The following WLS variants were observed in gnomAD, a reference collection of about 807,000 sequenced individuals.
WLS encodes the protein Wnt ligand secretion mediator, also known as protein wntless homolog.
A neutral mutation model predicts 62.8 loss-of-function variants in WLS; 23 were observed. The observed-to-expected ratio is 0.37, with a 90% confidence interval of 0.26 to 0.52. The LOEUF (loss-of-function observed/expected upper bound fraction) is 0.52, where lower values mean the gene tolerates loss of function less well. Ranked by LOEUF, WLS falls within the 20% of genes least tolerant of loss-of-function variation. The pLI is 0.92. For missense variants in WLS, 615 were observed against 697.3 expected (o/e 0.88, Z 1.33); for synonymous variants, 246 against 244.1 (o/e 1.01, Z -0.07).
intron 1 of WLS, among the ~76,000 whole-genome samples, chr1:68,207,901 G>A (rs1041649635): frequency 5.9e-5 from 9 of 152,172 alleles, no homozygotes; most frequent in African/African-American, 2.2e-4. Flanking sequence ...CAACACATGA[G>A]AAGAATTAGA....
intron 2 of WLS, among the ~76,000 whole-genome samples, chr1:68,182,286 C>A (rs1200403314): frequency 1.3e-5 from 2 of 152,294 alleles, no homozygotes; most frequent in Non-Finnish European, 2.9e-5. Context: ...TATGGAGGAG[C>A]CTTATAATGA....
rs547772396 is a variant in WLS, at chr1:68,135,001, G to C, written c.1516+2779C>G. Among the ~76,000 whole-genome samples, 4 of 152,338 alleles carry C rather than the reference G, an allele frequency of 2.6e-5. No homozygotes were observed. In the East Asian group the frequency reaches 7.7e-4, roughly 29 times the overall value. ...CACTTGCTGAACAGTGTTAAAGTTGGACACGTTCTCACCAGTGTTTGGAAA... is the reference window on the plus strand; with the variant it reads ...CACTTGCTGAACAGTGTTAAAGTTGCACACGTTCTCACCAGTGTTTGGAAA... On this transcript the variant is annotated intron_variant, in intron 11 of 11. Transcript: ENST00000262348.
chr1:68,211,716 AC>A (rs1649523891), intron 1 of WLS, among the ~76,000 whole-genome samples: 1 of 152,096 alleles, frequency 6.6e-6, no homozygotes, highest in African/African-American at 2.4e-5. Flanking sequence ...CCCATTTCTC[AC>A]CACTCATGAG....
At chr1:68,175,887 G>A (rs1647238013) in intron 2 of WLS, among the ~76,000 whole-genome samples, 1 of 152,214 alleles carries the variant, frequency 6.6e-6, no homozygotes, top group Non-Finnish European at 1.5e-5. Context: ...TGTGCTGCCA[G>A]CAGAAAGAAA....
intron 11 of WLS, among the ~76,000 whole-genome samples, chr1:68,127,615 G>A (rs1242922875): frequency 1.3e-5 from 2 of 152,142 alleles, no homozygotes; most frequent in Non-Finnish European, 2.9e-5. Context: ...TGTGGAGAGG[G>A]GTGCTGGGGA....
In WLS at chr1:68,146,017, T is replaced by G. The variant is rs189604242; in HGVS notation, c.1135-5A>C. 2.9e-5 allele frequency: 47 copies of G among 1,613,860 alleles called. No individual in the cohort carries two copies. In the East Asian group the frequency reaches 8.5e-4, roughly 29 times the overall value. On this transcript the variant is annotated splice_region_variant and splice_polypyrimidine_tract_variant and intron_variant, in intron 8 of 11. Transcript: ENST00000262348. ...AGCCACGATGATGAAGGCCATCTGG[T>G]CGTGTCCAGTAAAGGAAACAACGGG...
rs145655835 is a variant in WLS, at chr1:68,139,520, G to A, written c.1363-1587C>T. 7.9e-5 allele frequency among the ~76,000 whole-genome samples: 12 copies of A among 152,252 alleles called. 1 individual carries two copies. Among genetic ancestry groups the A allele is most frequent in the African/African-American group, 2.9e-4 (12 of 41,544 alleles). On this transcript the variant is annotated intron_variant, in intron 10 of 11. Coordinates refer to ENST00000262348, the MANE Select transcript of WLS (RefSeq NM_024911.7). ...TAAGGAGGGGAGGCTAGGCTGTCACGCATCCTAGCTGCAAGAGAGAATATG... is the reference window on the plus strand; with the variant it reads ...TAAGGAGGGGAGGCTAGGCTGTCACACATCCTAGCTGCAAGAGAGAATATG...
chr1:68,113,771 C>T (rs1646256905), intron 11 of WLS, among the ~76,000 whole-genome samples: 1 of 152,124 alleles, frequency 6.6e-6, no homozygotes, highest in Admixed American at 6.5e-5. Flanking sequence ...AATATGCTCC[C>T]AGGTGAACTG....
intron 11 of WLS, among the ~76,000 whole-genome samples, chr1:68,133,447 A>AAG (rs1160984240): frequency 1.3e-5 from 2 of 152,150 alleles, no homozygotes; most frequent in African/African-American, 4.8e-5. Context: ...AGACCAGGCT[A>AAG]AAGACCCCTT....
rs1325101867 is a variant in WLS, at chr1:68,127,185, CTT to C, written c.1517-852_1517-851del. On this transcript the variant is annotated intron_variant, in intron 11 of 11. Coordinates refer to ENST00000262348, the MANE Select transcript of WLS (RefSeq NM_024911.7). Reference sequence around the variant, plus strand: ...CTCCAGCCTGGGTGACAGAGTAAGACTTTGACTCTAAAAAAATAAAAAAATAA... The same window carrying C: ...CTCCAGCCTGGGTGACAGAGTAAGACTGACTCTAAAAAAATAAAAAAATAA... 12 of 266,752 alleles carry C rather than the reference CTT, an allele frequency of 4.5e-5. 1 individual carries two copies. The highest frequency in any genetic ancestry group is 2.0e-4 in the Admixed American group (4 of 19,732). 16.5% of individuals were successfully genotyped at this position (266,752 alleles called of 1,614,324 possible). A position where few individuals can be genotyped will look rare whatever the true frequency, so the allele number is the denominator to read the frequency against.
At chr1:68,162,715 A>C in intron 2 of WLS, 1 of 1,191,548 alleles carries the variant, frequency 8.4e-7, no homozygotes, top group East Asian at 2.3e-5. Context: ...TGCAGACGGG[A>C]TATTGCACAC....
chr1:68,222,596 G>A (rs558254286), intron 1 of WLS, among the ~76,000 whole-genome samples: 17 of 152,268 alleles, frequency 1.1e-4, no homozygotes, highest in Admixed American at 9.2e-4. Flanking sequence ...TTGGGGCACT[G>A]AGTAGCATTA....
intron 11 of WLS, among the ~76,000 whole-genome samples, chr1:68,112,603 C>T (rs1421164040): frequency 2.0e-5 from 3 of 152,234 alleles, no homozygotes; most frequent in Non-Finnish European, 2.9e-5. Context: ...CTTACCCTCA[C>T]CTTTTATCCA....
chr1:68,229,965 A>G (rs1406148674), intron 1 of WLS, among the ~76,000 whole-genome samples: 2 of 152,230 alleles, frequency 1.3e-5, no homozygotes, highest in Non-Finnish European at 2.9e-5. Flanking sequence ...GGTTGTCGTC[A>G]TTAACCAAAT....
intron 2 of WLS, among the ~76,000 whole-genome samples, chr1:68,185,271 T>C (rs527491979): frequency 2.0e-5 from 3 of 152,232 alleles, no homozygotes; most frequent in Admixed American, 6.5e-5. Context: ...CTCCTTAGGA[T>C]TGATTGATTT....
chr1:68,131,200 C>T (rs2263607), intron 11 of WLS, among the ~76,000 whole-genome samples: 3,066 of 127,696 alleles, frequency 0.024, 95 homozygotes, highest in African/African-American at 0.078. Flanking sequence ...CGTGAGCCAC[C>T]GCACCTGGCC....
At chr1:68,231,826 G>C (rs761567470) in intron 1 of WLS, 54 of 468,258 alleles carry the variant, frequency 1.2e-4, no homozygotes, top group Middle Eastern at 3.4e-4. Context: ...GAAGGGAACC[G>C]AGAGGAAAAG....
chr1:68,132,479 G>A (rs943706925), intron 11 of WLS, among the ~76,000 whole-genome samples: 4 of 152,154 alleles, frequency 2.6e-5, no homozygotes, highest in Non-Finnish European at 4.4e-5. Flanking sequence ...ACGCTTTACC[G>A]AGGCAACAAA....
intron 10 of WLS, 120 bp from the exon 11 acceptor site, chr1:68,138,053 G>C: frequency 8.7e-7 from 1 of 1,148,694 alleles, no homozygotes. Flanking sequence ...GAAACATGAA[G>C]GGCCATGTAA....
Sources: gnomAD v4.1 joint callset for allele counts (sites outside exome capture counted in the v4.1 genomes callset) on GRCh38, gnomAD v4.1.1 for gene constraint, MANE v1.5 for transcripts, NCBI Gene and HGNC (gene_info 2026-07-23, HGNC 2026-07-21) for gene names.